Variants in VSIG10 observed in about 807,000 individuals in gnomAD.
VSIG10 encodes the protein V-set and immunoglobulin domain containing 10, also known as V-set and immunoglobulin domain-containing protein 10.
A neutral mutation model predicts 58.7 loss-of-function variants in VSIG10; 48 were observed. The observed-to-expected ratio is 0.82, with a 90% confidence interval of 0.65 to 1.04. The LOEUF (loss-of-function observed/expected upper bound fraction) is 1.04, where lower values mean the gene tolerates loss of function less well. Ranked by LOEUF, VSIG10 falls within the 50% of genes least tolerant of loss-of-function variation. The pLI, the probability that VSIG10 is intolerant of heterozygous loss-of-function variation, is 0.00. For synonymous variants in VSIG10, 260 were observed against 267.1 expected (o/e 0.97, Z 0.26); for missense variants, 628 against 670.0 (o/e 0.94, Z 0.69).
chr12:118,079,845 G>C (rs1381171369), intron 3 of VSIG10, among the ~76,000 whole-genome samples: 3 of 135,052 alleles, frequency 2.2e-5, no homozygotes, highest in Admixed American at 1.4e-4. Context: ...TTCTTTCTTT[G>C]TTTTTGAGAT....
chr12:118,085,398 T>G (rs1434886597), intron 2 of VSIG10, among the ~76,000 whole-genome samples: 1 of 152,210 alleles, frequency 6.6e-6, no homozygotes, highest in Non-Finnish European at 1.5e-5. Context: ...ACGTGCGAGC[T>G]GGTTCCATTG....
chr12:118,094,957 G>A (rs1337272576), intron 2 of VSIG10, among the ~76,000 whole-genome samples: 3 of 149,364 alleles, frequency 2.0e-5, no homozygotes, highest in Admixed American at 6.8e-5. Flanking sequence ...AGGATGGAGC[G>A]CAGTGGCGCA....
intron 2 of VSIG10, among the ~76,000 whole-genome samples, chr12:118,086,191 G>A (rs1005012761): frequency 6.6e-6 from 1 of 151,534 alleles, no homozygotes; most frequent in Non-Finnish European, 1.5e-5. Flanking sequence ...AGCTGGGCAC[G>A]GTGGCTCACC....
intron 4 of VSIG10, among the ~76,000 whole-genome samples, chr12:118,077,525 A>G (rs2032777313): frequency 6.6e-6 from 1 of 152,068 alleles, no homozygotes; most frequent in African/African-American, 2.4e-5. Flanking sequence ...TGTGGTTTTA[A>G]TATGTACAGA....
chr12:118,078,130 G>C (rs945350228), intron 4 of VSIG10, among the ~76,000 whole-genome samples: 7 of 152,128 alleles, frequency 4.6e-5, no homozygotes, highest in African/African-American at 1.4e-4. Flanking sequence ...CATTCTATTA[G>C]CTTACTGCAA....
chr12:118,095,195 AC>A (rs1487019949), intron 2 of VSIG10, among the ~76,000 whole-genome samples: 1 of 150,740 alleles, frequency 6.6e-6, no homozygotes, highest in Non-Finnish European at 1.5e-5. Flanking sequence ...AAGCCACCGC[AC>A]CCGGCCGGCA....
chr12:118,074,232 C>T (rs924330770), intron 4 of VSIG10, among the ~76,000 whole-genome samples: 11 of 151,388 alleles, frequency 7.3e-5, no homozygotes, highest in Admixed American at 2.0e-4. Flanking sequence ...TACAGGCATG[C>T]GCCACCACAC....
chr12:118,099,396 C>T (rs1380873318), intron 1 of VSIG10, among the ~76,000 whole-genome samples: 3 of 152,064 alleles, frequency 2.0e-5, no homozygotes, highest in South Asian at 2.1e-4. Context: ...AGACCCACCT[C>T]GGGCTCGCAA....
Position 118,068,551 on chromosome 12 carries a change from C to T in VSIG10, c.1393G>A (p.Glu465Lys). Residue 465 changes from glutamate to lysine, a missense_variant, in exon 8 of 9, where the codon GAA (glutamate) becomes AAA (lysine). Glu to Lys is a moderately conservative substitution (Grantham distance 56). Coordinates refer to ENST00000359236, the MANE Select transcript of VSIG10 (RefSeq NM_019086.6). ...DVMVLVDSEEEEEEEEEEEED... is the reference protein window; with the variant it reads ...DVMVLVDSEEKEEEEEEEEED... ...TCCTCCTCCTCCTCCTCCTCCTCTT[C>T]CTCTTCTGAATCCACCAAAACCATG... is the stretch of plus-strand genomic sequence containing the variant. The T allele has an allele frequency of 6.3e-7, 1 of 1,598,458 alleles. No individual in the cohort carries two copies. The highest frequency in any genetic ancestry group is 8.5e-7 in the Non-Finnish European group (1 of 1,171,710).
rs570998239 is a variant in VSIG10 at position 118,100,558 on chromosome 12, T to C, written c.79+3035A>G. On this transcript the variant is annotated intron_variant, in intron 1 of 8. Transcript: ENST00000359236. ...TATTTACTTTTTTTTTGAGATGAAG[T>C]CTCGCTCTGTTGCCTAGGCTGGAGT... Among the ~76,000 whole-genome samples the C allele has an allele frequency of 1.6e-3, 244 of 152,224 alleles. 2 individuals are homozygous for C. Among genetic ancestry groups the C allele is most frequent in the South Asian group, 5.8e-3 (28 of 4,826 alleles).
intron 2 of VSIG10, among the ~76,000 whole-genome samples, chr12:118,087,786 C>T (rs1019769514): frequency 2.2e-5 from 3 of 138,572 alleles, no homozygotes; most frequent in Non-Finnish European, 3.0e-5. Flanking sequence ...TGTAGTGAGC[C>T]GAAATCACAC....
intron 2 of VSIG10, among the ~76,000 whole-genome samples, chr12:118,094,964 C>T (rs546499141): frequency 3.7e-5 from 5 of 136,896 alleles, no homozygotes; most frequent in African/African-American, 8.3e-5. Context: ...AGCGCAGTGG[C>T]GCAATCTTGG....
chr12:118,091,393 G>C (rs1366823113), intron 2 of VSIG10, among the ~76,000 whole-genome samples: 1 of 151,888 alleles, frequency 6.6e-6, no homozygotes, highest in Admixed American at 6.6e-5. Context: ...TCGGGAGGCT[G>C]AGGCAGGAGA....
intron 2 of VSIG10, among the ~76,000 whole-genome samples, chr12:118,084,851 C>G (rs1238604853): frequency 6.6e-6 from 1 of 152,150 alleles, no homozygotes; most frequent in African/African-American, 2.4e-5. Flanking sequence ...AACCCCGTCT[C>G]TACTAAAAAT....
chr12:118,103,590 T>A lies in VSIG10; in HGVS notation c.79+3A>T. On this transcript the variant is annotated splice_donor_region_variant and intron_variant, in intron 1 of 8. Coordinates refer to ENST00000359236, the MANE Select transcript of VSIG10 (RefSeq NM_019086.6). ...CTTTTCCCTCCAGATCGCGGCCCCT[T>A]ACCTACGGCGACCCAGCCGGCCAGG... 2.1e-5 allele frequency: 32 copies of A among 1,521,514 alleles called. No homozygotes were observed. Among genetic ancestry groups the A allele is most frequent in the Non-Finnish European group, 2.8e-5 (32 of 1,140,166 alleles). The allele number at this position is 1,521,514 out of a possible 1,614,324, so 94.3% of individuals were successfully genotyped here.
chr12:118,089,030 C>T (rs976607394), intron 2 of VSIG10, among the ~76,000 whole-genome samples: 1 of 150,908 alleles, frequency 6.6e-6, no homozygotes, highest in Non-Finnish European at 1.5e-5. Context: ...TCACTGCAAC[C>T]TCCGCCCTCC....
chr12:118,070,069 T>C (rs909199053), intron 7 of VSIG10, among the ~76,000 whole-genome samples: 1 of 152,140 alleles, frequency 6.6e-6, no homozygotes, highest in Non-Finnish European at 1.5e-5. Flanking sequence ...CCCAGGTCAA[T>C]AATATCCTGT....
rs557642758 is a variant in VSIG10, at chr12:118,101,006, G to A, written c.79+2587C>T. On this transcript the variant is annotated intron_variant, in intron 1 of 8. Coordinates refer to ENST00000359236, the MANE Select transcript of VSIG10 (RefSeq NM_019086.6). ...TAAAGGAACAGTGGCTTGGAAAAAAGCCGTGGTGAAACTTTAGTCTTGGAA... is the reference window on the plus strand; with the variant it reads ...TAAAGGAACAGTGGCTTGGAAAAAAACCGTGGTGAAACTTTAGTCTTGGAA... 4.6e-5 allele frequency among the ~76,000 whole-genome samples: 7 copies of A among 152,328 alleles called. No homozygotes were observed. In the South Asian group the frequency reaches 1.4e-3, roughly 32 times the overall value.
chr12:118,093,182 C>T (rs1186482387), intron 2 of VSIG10, among the ~76,000 whole-genome samples: 1 of 151,524 alleles, frequency 6.6e-6, no homozygotes, highest in African/African-American at 2.4e-5. Context: ...GCCTGCAGTC[C>T]CAGCTACTTG....
Sources: gnomAD v4.1 joint callset for allele counts (sites outside exome capture counted in the v4.1 genomes callset) on GRCh38, gnomAD v4.1.1 for gene constraint, MANE v1.5 for transcripts, NCBI Gene and HGNC (gene_info 2026-07-23, HGNC 2026-07-21) for gene names.